CASR: variants seen among roughly 807,000 people sequenced by gnomAD.
CASR encodes the protein extracellular calcium-sensing receptor.
Under a neutral mutation model 69.1 loss-of-function variants are expected in CASR, and 23 were observed. The ratio of observed to expected loss-of-function variants is 0.33; its 90% CI spans 0.24 to 0.47. The LOEUF is 0.47. CASR is among the 20% of genes least tolerant of loss of function. The pLI, the probability that CASR is intolerant of heterozygous loss-of-function variation, is 1.00. For synonymous variants in CASR, 541 were observed against 544.7 expected (o/e 0.99, Z 0.10); for missense variants, 924 against 1,356.1 (o/e 0.68, Z 5.00).
intron 1 of CASR, among the ~76,000 whole-genome samples, chr3:122,218,067 A>G (rs1460599967): frequency 6.6e-6 from 1 of 152,012 alleles, no homozygotes; most frequent in Non-Finnish European, 1.5e-5. Context: ...AGTGATTCAA[A>G]CAAGATGAAC....
chr3:122,226,485 G>A (rs373485657), intron 1 of CASR, among the ~76,000 whole-genome samples: 7 of 152,266 alleles, frequency 4.6e-5, no homozygotes, highest in Middle Eastern at 3.4e-3. Flanking sequence ...CTTCCACAGC[G>A]TGGAAGGGGA....
chr3:122,234,887 T>C (rs2074314715), intron 1 of CASR, among the ~76,000 whole-genome samples: 1 of 152,226 alleles, frequency 6.6e-6, no homozygotes, highest in Non-Finnish European at 1.5e-5. Flanking sequence ...GTTCCAGGAT[T>C]TATTTTTTAA....
chr3:122,242,964 T>A (rs1272122408), intron 1 of CASR, among the ~76,000 whole-genome samples: 1 of 152,080 alleles, frequency 6.6e-6, no homozygotes, highest in African/African-American at 2.4e-5. Flanking sequence ...GAAAATTGGA[T>A]ATCCAAATGC....
chr3:122,240,466 T>C (rs964343474), intron 1 of CASR, among the ~76,000 whole-genome samples: 5 of 152,136 alleles, frequency 3.3e-5, no homozygotes, highest in Admixed American at 1.3e-4. Context: ...GATAAAGGGA[T>C]CAATTCAGAA....
At position 122,186,541 on chromosome 3, in the gene CASR, C is replaced by T. The variant is rs2073785585; in HGVS notation, c.-243+2729C>T. Among the ~76,000 whole-genome samples the T allele has an allele frequency of 2.0e-5, 3 of 152,324 alleles. No homozygotes were observed. In the South Asian group the frequency reaches 6.2e-4, roughly 32 times the overall value. ...CTGGCTATGTGCCAGTCACTGGGAA[C>T]TAACTGGTATATAAAACCAGGTGAG... On this transcript the variant is annotated intron_variant, in intron 1 of 6. Coordinates refer to ENST00000639785, the MANE Select transcript of CASR (RefSeq NM_000388.4).
intron 1 of CASR, among the ~76,000 whole-genome samples, chr3:122,192,048 T>C (rs1235929145): frequency 6.6e-6 from 1 of 152,154 alleles, no homozygotes; most frequent in African/African-American, 2.4e-5. Context: ...TTATCAGAAA[T>C]ATGGTTAAAG....
At chr3:122,189,945 C>T (rs893508671) in intron 1 of CASR, among the ~76,000 whole-genome samples, 2 of 152,060 alleles carry the variant, frequency 1.3e-5, no homozygotes, top group Non-Finnish European at 2.9e-5. Context: ...TTTTGTTCAC[C>T]AGTTGGGTCC....
intron 4 of CASR, among the ~76,000 whole-genome samples, chr3:122,270,801 AT>A (rs2074749320): frequency 6.6e-6 from 1 of 152,034 alleles, no homozygotes; most frequent in Non-Finnish European, 1.5e-5. Flanking sequence ...GTTTCCAGTG[AT>A]TTTTCCAAAC....
intron 1 of CASR, among the ~76,000 whole-genome samples, chr3:122,249,742 T>C (rs148583547): frequency 1.0e-3 from 156 of 152,388 alleles, no homozygotes; most frequent in African/African-American, 3.4e-3. Flanking sequence ...TTATATATGA[T>C]TTAAATGGAA....
intron 1 of CASR, among the ~76,000 whole-genome samples, chr3:122,235,032 A>T (rs569032510): frequency 9.4e-4 from 143 of 152,320 alleles, no homozygotes; most frequent in African/African-American, 3.3e-3. Context: ...GAGCTCATAG[A>T]AAGGGCTCGC....
chr3:122,236,293 T>C lies in CASR; in HGVS notation c.-242-17655T>C, dbSNP rs34987522. 2.8e-3 allele frequency among the ~76,000 whole-genome samples: 420 copies of C among 152,350 alleles called. 3 individuals carry two copies. Among genetic ancestry groups the C allele is most frequent in the African/African-American group, 9.9e-3 (410 of 41,570 alleles). Reference sequence around the variant, plus strand: ...GAACAGCTTCAGGTGTCCTTAGCAATGGAGAATCTTCTCATAGAGGCAACT... The same window carrying C: ...GAACAGCTTCAGGTGTCCTTAGCAACGGAGAATCTTCTCATAGAGGCAACT... On this transcript the variant is annotated intron_variant, in intron 1 of 6. Transcript: ENST00000639785.
chr3:122,246,550 T>G (rs1353807019), intron 1 of CASR: 1 of 152,122 alleles, frequency 6.6e-6, no homozygotes, highest in East Asian at 1.9e-4. Flanking sequence ...TTGGCCAGGT[T>G]TTCCAAAGAA....
At chr3:122,253,664 T>C (rs188345661) in intron 1 of CASR, among the ~76,000 whole-genome samples, 1 of 152,372 alleles carries the variant, frequency 6.6e-6, no homozygotes, top group Admixed American at 6.5e-5. Flanking sequence ...GGAAAATGAA[T>C]GGATTAAAAT....
chr3:122,200,093 G>A lies in CASR; in HGVS notation c.-243+16281G>A, dbSNP rs182292608. On this transcript the variant is annotated intron_variant, in intron 1 of 6. Transcript: ENST00000639785. ...TGGCTAATTTTTTGTATTTAGTAGAGATGGGGTTTCATCATGTTAGTCAGG... is the reference window on the plus strand; with the variant it reads ...TGGCTAATTTTTTGTATTTAGTAGAAATGGGGTTTCATCATGTTAGTCAGG... 2.4e-4 allele frequency among the ~76,000 whole-genome samples: 37 copies of A among 152,110 alleles called. 1 individual carries two copies. The highest frequency in any genetic ancestry group is 9.8e-4 in the Admixed American group (15 of 15,284).
At chr3:122,246,565 A>G (rs1407086275) in intron 1 of CASR, 1 of 152,270 alleles carries the variant, frequency 6.6e-6, no homozygotes, top group Non-Finnish European at 1.5e-5. Context: ...AAAGAAAACC[A>G]GAATTTCCAT....
chr3:122,202,021 G>A (rs1189671335), intron 1 of CASR, among the ~76,000 whole-genome samples: 1 of 152,230 alleles, frequency 6.6e-6, no homozygotes, highest in Admixed American at 6.5e-5. Flanking sequence ...TGGGGTGGCA[G>A]CCGGGCAGAG....
chr3:122,262,707 T>C (rs1466444907), intron 4 of CASR, among the ~76,000 whole-genome samples: 6 of 152,228 alleles, frequency 3.9e-5, no homozygotes, highest in Middle Eastern at 3.2e-3. Flanking sequence ...GATTTAGTAA[T>C]GAGTGGGGTA....
At chr3:122,219,165 A>G (rs553578394) in intron 1 of CASR, among the ~76,000 whole-genome samples, 2 of 152,296 alleles carry the variant, frequency 1.3e-5, no homozygotes, top group South Asian at 2.1e-4. Context: ...TTAAAAGATT[A>G]CTCTGTTGTG....
At chr3:122,236,580 T>C (rs2107611882) in intron 1 of CASR, among the ~76,000 whole-genome samples, 1 of 152,304 alleles carries the variant, frequency 6.6e-6, no homozygotes, top group East Asian at 1.9e-4. Flanking sequence ...AAGGGACTAC[T>C]CAAGCAAATG....
Sources: gnomAD v4.1 joint callset for allele counts (sites outside exome capture counted in the v4.1 genomes callset) on GRCh38, gnomAD v4.1.1 for gene constraint, MANE v1.5 for transcripts, NCBI Gene and HGNC (gene_info 2026-07-23, HGNC 2026-07-21) for gene names.